Variants in ADGRB3 observed in about 807,000 individuals in gnomAD.
ADGRB3 encodes brain-specific angiogenesis inhibitor 3.
A neutral mutation model predicts 193.4 loss-of-function variants in ADGRB3; 37 were observed. The observed-to-expected ratio is 0.19, with a 90% CI of 0.15 to 0.25. The LOEUF (loss-of-function observed/expected upper bound fraction) is 0.25, where lower values mean the gene tolerates loss of function less well. Among genes scored for constraint, ADGRB3 ranks in the 10% least tolerant of loss-of-function variants. ADGRB3 has a pLI of 1.00. For synonymous variants in ADGRB3, 690 were observed against 644.2 expected, an observed-to-expected ratio of 1.07 and a Z score of -1.08; for missense variants, 1,637 against 1,852.9, an observed-to-expected ratio of 0.88 and a Z score of 2.14.
At chr6:68,949,144 T>C (rs531993317) in intron 6 of ADGRB3, among the ~76,000 whole-genome samples, 1 of 152,178 alleles carries the variant, frequency 6.6e-6, no homozygotes, top group South Asian at 2.1e-4. Flanking sequence ...TTGGAAGAAA[T>C]AGGTCAAATA....
At chr6:68,893,370 A>G (rs1027114873) in intron 3 of ADGRB3, among the ~76,000 whole-genome samples, 6 of 152,012 alleles carry the variant, frequency 3.9e-5, no homozygotes, top group Admixed American at 3.3e-4. Context: ...CAATATTTTT[A>G]GGTTTTTAAA....
chr6:68,901,817 G>C (rs1766401590), intron 3 of ADGRB3, among the ~76,000 whole-genome samples: 1 of 151,874 alleles, frequency 6.6e-6, no homozygotes, highest in Admixed American at 6.6e-5. Flanking sequence ...ATACTAGTAG[G>C]GAAGACGCAA....
chr6:68,681,313 C>T (rs1475925696), intron 3 of ADGRB3, among the ~76,000 whole-genome samples: 2 of 152,014 alleles, frequency 1.3e-5, no homozygotes, highest in Non-Finnish European at 2.9e-5. Context: ...CTATATCATG[C>T]CACTTTATTT....
intron 3 of ADGRB3, among the ~76,000 whole-genome samples, chr6:68,770,104 G>A (rs1449467066): frequency 6.6e-6 from 1 of 152,080 alleles, no homozygotes; most frequent in Admixed American, 6.6e-5. Context: ...GTTTTCTGGT[G>A]TTTTATACAC....
intron 13 of ADGRB3, among the ~76,000 whole-genome samples, chr6:69,029,252 T>C (rs1157444381): frequency 6.6e-6 from 1 of 152,238 alleles, no homozygotes; most frequent in East Asian, 1.9e-4. Context: ...TGTGCTAATA[T>C]TCTTCATATG....
intron 3 of ADGRB3, among the ~76,000 whole-genome samples, chr6:68,811,745 C>T (rs1767516270): frequency 6.6e-6 from 1 of 152,218 alleles, no homozygotes; most frequent in African/African-American, 2.4e-5. Context: ...GCTGGGATTA[C>T]AGGCATCAGC....
At chr6:69,179,408 T>C (rs1180331607) in intron 17 of ADGRB3, among the ~76,000 whole-genome samples, 1 of 152,220 alleles carries the variant, frequency 6.6e-6, no homozygotes, top group Non-Finnish European at 1.5e-5. Context: ...TTTCTTTATG[T>C]AGATTTTCAA....
At chr6:68,809,085 T>G (rs960132984) in intron 3 of ADGRB3, among the ~76,000 whole-genome samples, 1 of 152,032 alleles carries the variant, frequency 6.6e-6, no homozygotes, top group African/African-American at 2.4e-5. Context: ...TAAAAAAAAT[T>G]TTTTTGCATT....
chr6:68,693,631 G>T (rs967849665), intron 3 of ADGRB3, among the ~76,000 whole-genome samples: 1 of 151,974 alleles, frequency 6.6e-6, no homozygotes, highest in African/African-American at 2.4e-5. Flanking sequence ...AGTGTATGCA[G>T]TTTTTTCTTG....
At chr6:68,640,156 A>T (rs1768051512) in intron 3 of ADGRB3, among the ~76,000 whole-genome samples, 1 of 152,054 alleles carries the variant, frequency 6.6e-6, no homozygotes, top group Admixed American at 6.5e-5. Context: ...TGCAATGAAA[A>T]CACATAGTGA....
At chr6:69,174,766 T>C (rs1367037772) in intron 17 of ADGRB3, among the ~76,000 whole-genome samples, 1 of 152,182 alleles carries the variant, frequency 6.6e-6, no homozygotes, top group African/African-American at 2.4e-5. Flanking sequence ...CTCACCAACA[T>C]CTGTTGTTTT....
intron 20 of ADGRB3, among the ~76,000 whole-genome samples, chr6:69,288,947 C>A (rs1439280612): frequency 2.0e-5 from 3 of 152,150 alleles, no homozygotes; most frequent in Non-Finnish European, 2.9e-5. Flanking sequence ...CCATGACATT[C>A]CATTTGTGTG....
intron 20 of ADGRB3, among the ~76,000 whole-genome samples, chr6:69,314,121 A>G (rs573690626): frequency 2.0e-5 from 3 of 151,848 alleles, no homozygotes; most frequent in East Asian, 3.9e-4. Flanking sequence ...TGTATGATGT[A>G]CAAGTGTTTG....
intron 3 of ADGRB3, among the ~76,000 whole-genome samples, chr6:68,729,942 C>A (rs1051420682): frequency 2.6e-5 from 4 of 151,322 alleles, no homozygotes; most frequent in Non-Finnish European, 4.4e-5. Flanking sequence ...AAGAAACTAG[C>A]TTTGCCTTTG....
At chr6:68,787,214 G>A (rs576393273) in intron 3 of ADGRB3, among the ~76,000 whole-genome samples, 2 of 152,210 alleles carry the variant, frequency 1.3e-5, no homozygotes, top group East Asian at 1.9e-4. Flanking sequence ...GTGAGAGAGG[G>A]CATCCCTGTC....
chr6:68,931,737 T>C (rs1284210092), intron 4 of ADGRB3, among the ~76,000 whole-genome samples: 1 of 152,160 alleles, frequency 6.6e-6, no homozygotes, highest in Admixed American at 6.6e-5. Flanking sequence ...ATGCAAATAT[T>C]GTTAATGAGT....
chr6:68,731,240 G>A (rs955998740), intron 3 of ADGRB3, among the ~76,000 whole-genome samples: 6 of 151,458 alleles, frequency 4.0e-5, no homozygotes, highest in African/African-American at 1.5e-4. Context: ...TTTACCTATA[G>A]ATATCTTAAT....
At chr6:68,790,384 A>G (rs1259630455) in intron 3 of ADGRB3, among the ~76,000 whole-genome samples, 1 of 152,198 alleles carries the variant, frequency 6.6e-6, no homozygotes, top group Non-Finnish European at 1.5e-5. Context: ...AAACAAAAAG[A>G]CAGCACTAAC....
chr6:69,310,313 A>G (rs1162544444), intron 20 of ADGRB3, among the ~76,000 whole-genome samples: 1 of 151,782 alleles, frequency 6.6e-6, no homozygotes, highest in South Asian at 2.1e-4. Flanking sequence ...GGCTCAACCC[A>G]GAAAGACAGA....
Sources: gnomAD v4.1 joint callset for allele counts (sites outside exome capture counted in the v4.1 genomes callset) on GRCh38, gnomAD v4.1.1 for gene constraint, MANE v1.5 for transcripts, NCBI Gene and HGNC (gene_info 2026-07-23, HGNC 2026-07-21) for gene names.